The following SYN2 variants were observed in gnomAD, a reference collection of about 807,000 sequenced individuals.
The protein encoded by SYN2 is synapsin-2.
In SYN2, 19 loss-of-function variants were observed where a neutral mutation model predicts 50.9. The ratio of observed to expected loss-of-function variants is 0.37; its 90% CI spans 0.26 to 0.55. The LOEUF (loss-of-function observed/expected upper bound fraction) is 0.55, where lower values mean the gene tolerates loss of function less well. Among genes scored for constraint, SYN2 ranks in the 20% least tolerant of loss-of-function variants. SYN2 has a pLI of 0.81. For synonymous variants in SYN2, 255 were observed against 224.9 expected (o/e 1.13, Z -1.20); for missense variants, 587 against 576.4 (o/e 1.02, Z -0.19).
chr3:12,092,510 G>T (rs750530145), intron 1 of SYN2, among the ~76,000 whole-genome samples: 1 of 152,158 alleles, frequency 6.6e-6, no homozygotes, highest in African/African-American at 2.4e-5. Context: ...GAATGGCTTT[G>T]AAGAGAGTAA....
At chr3:12,184,024 C>T in intron 11 of SYN2, 1 of 986,050 alleles carries the variant, frequency 1.0e-6, no homozygotes, top group Non-Finnish European at 1.2e-6. Flanking sequence ...TTGAAGGCAT[C>T]CACCTTTTTC....
intron 10 of SYN2, among the ~76,000 whole-genome samples, chr3:12,173,086 C>T (rs1697973816): frequency 6.6e-6 from 1 of 152,130 alleles, no homozygotes; most frequent in Admixed American, 6.5e-5. Context: ...AGGTCATCAC[C>T]ATTTCTCAGA....
intron 1 of SYN2, among the ~76,000 whole-genome samples, chr3:12,139,353 A>G (rs1024811169): frequency 1.3e-5 from 2 of 152,184 alleles, no homozygotes; most frequent in Non-Finnish European, 2.9e-5. Context: ...AATAAATGCA[A>G]TGCGGCACAC....
At chr3:12,135,284 C>T (rs1696874158) in intron 1 of SYN2, among the ~76,000 whole-genome samples, 1 of 152,194 alleles carries the variant, frequency 6.6e-6, no homozygotes, top group Non-Finnish European at 1.5e-5. Context: ...TTTACCCTAA[C>T]AGTGTAGGTG....
chr3:12,124,822 G>GT (rs1696631638), intron 1 of SYN2, among the ~76,000 whole-genome samples: 5 of 152,160 alleles, frequency 3.3e-5, no homozygotes, highest in Non-Finnish European at 5.9e-5. Flanking sequence ...TGTTAATTCA[G>GT]AGTAGTTATC....
chr3:12,184,180 C>G, intron 11 of SYN2: 1 of 985,722 alleles, frequency 1.0e-6, no homozygotes, highest in Non-Finnish European at 1.2e-6. Context: ...CCCAGTGTAC[C>G]CTTTATTTTA....
intron 1 of SYN2, among the ~76,000 whole-genome samples, chr3:12,013,509 G>A (rs1358530197): frequency 6.6e-6 from 1 of 152,014 alleles, no homozygotes; most frequent in African/African-American, 2.4e-5. Flanking sequence ...TTAGACATAT[G>A]TGCAGCTGCC....
At chr3:12,031,915 C>G (rs1209863025) in intron 1 of SYN2, among the ~76,000 whole-genome samples, 1 of 137,946 alleles carries the variant, frequency 7.2e-6, no homozygotes, top group Non-Finnish European at 1.6e-5. Flanking sequence ...GAATTTGATC[C>G]TGTCATTATG....
chr3:12,150,186 C>T (rs904925845), intron 4 of SYN2, among the ~76,000 whole-genome samples: 3 of 152,214 alleles, frequency 2.0e-5, no homozygotes, highest in Admixed American at 1.3e-4. Context: ...GCAGCTTTCC[C>T]TTCTAGCCAT....
At chr3:12,182,627 G>A (rs1698248781) in intron 10 of SYN2, among the ~76,000 whole-genome samples, 1 of 152,220 alleles carries the variant, frequency 6.6e-6, no homozygotes, top group African/African-American at 2.4e-5. Context: ...TCCCTCTAAG[G>A]TAAGGAGGGT....
intron 1 of SYN2, among the ~76,000 whole-genome samples, chr3:12,082,162 C>T (rs116013183): frequency 0.011 from 1,630 of 152,252 alleles, 29 homozygotes; most frequent in African/African-American, 0.037. Flanking sequence ...CAAACATGAG[C>T]TTTCAAGGGT....
chr3:12,182,293 T>C (rs1490896551), intron 10 of SYN2, among the ~76,000 whole-genome samples: 1 of 152,214 alleles, frequency 6.6e-6, no homozygotes, highest in Non-Finnish European at 1.5e-5. Context: ...GAGTGCTCAC[T>C]GAGGACATGC....
At chr3:12,009,042 C>T (rs975455375) in intron 1 of SYN2, among the ~76,000 whole-genome samples, 1 of 151,092 alleles carries the variant, frequency 6.6e-6, no homozygotes, top group African/African-American at 2.5e-5. Context: ...CTAAAAAATA[C>T]TTGAATTTGA....
intron 1 of SYN2, among the ~76,000 whole-genome samples, chr3:12,028,256 G>A (rs1242104846): frequency 6.6e-6 from 1 of 151,782 alleles, no homozygotes; most frequent in African/African-American, 2.4e-5. Flanking sequence ...GTGCCACATT[G>A]TCTTAATCCA....
At chr3:12,138,196 C>T (rs1696941188) in intron 1 of SYN2, among the ~76,000 whole-genome samples, 1 of 152,220 alleles carries the variant, frequency 6.6e-6, no homozygotes, top group East Asian at 1.9e-4. Flanking sequence ...GGGCTCTGTG[C>T]CCCATCTGCC....
chr3:12,004,521 A>T lies in SYN2; in HGVS notation c.-31A>T. ...CTCCCTCCGCGCCACCAGACCCCGTAGCCCCGCGCGCCCCCAGCCCTTTAA... is the reference window on the plus strand; with the variant it reads ...CTCCCTCCGCGCCACCAGACCCCGTTGCCCCGCGCGCCCCCAGCCCTTTAA... On this transcript the variant is annotated 5_prime_UTR_variant, in exon 1 of 13. Coordinates refer to ENST00000621198, the MANE Select transcript of SYN2 (RefSeq NM_133625.6). 1.8e-6 allele frequency: 1 copy of T among 558,208 alleles called. No homozygotes were observed. Among genetic ancestry groups the T allele is most frequent in the South Asian group, 2.0e-5 (1 of 50,350 alleles). 34.6% of individuals were successfully genotyped at this position (558,208 alleles called of 1,614,324 possible).
At chr3:12,033,945 G>A (rs1694438108) in intron 1 of SYN2, among the ~76,000 whole-genome samples, 1 of 152,062 alleles carries the variant, frequency 6.6e-6, no homozygotes, top group African/African-American at 2.4e-5. Context: ...ATGGACATTT[G>A]GGTTGTTTTC....
chr3:12,166,202 ACT>A (rs1347441987), intron 7 of SYN2, among the ~76,000 whole-genome samples: 1 of 152,064 alleles, frequency 6.6e-6, no homozygotes, highest in African/African-American at 2.4e-5. Context: ...TGGGGAGGAC[ACT>A]CTCTAACAGT....
intron 5 of SYN2, among the ~76,000 whole-genome samples, chr3:12,155,176 C>T (rs992137745): frequency 6.6e-6 from 1 of 152,184 alleles, no homozygotes; most frequent in South Asian, 2.1e-4. Flanking sequence ...CAATCATTTA[C>T]TCACTGAGTG....
Sources: allele counts gnomAD v4.1 joint callset (sites outside exome capture counted in the v4.1 genomes callset), GRCh38; gene constraint gnomAD v4.1.1; transcripts MANE v1.5; gene names NCBI Gene and HGNC (gene_info 2026-07-23, HGNC 2026-07-21).